PATJ: variants seen among roughly 807,000 people sequenced by gnomAD.
The protein encoded by PATJ is PATJ crumbs cell polarity complex component.
PATJ carries 190 observed loss-of-function variants against 224.9 expected under a neutral mutation model. That is an observed-to-expected ratio of 0.84 (90% CI 0.75 to 0.95). The LOEUF (loss-of-function observed/expected upper bound fraction) is 0.95, where lower values mean the gene tolerates loss of function less well. Ranked by LOEUF, PATJ falls within the 40% of genes least tolerant of loss-of-function variation. The pLI is 0.00. For missense variants in PATJ, 2,121 were observed against 2,270.3 expected (o/e 0.93, Z 1.34); for synonymous variants, 769 against 820.3 (o/e 0.94, Z 1.07).
intron 27 of PATJ, among the ~76,000 whole-genome samples, chr1:61,979,643 C>T (rs1234813287): frequency 1.5e-5 from 2 of 135,590 alleles, no homozygotes; most frequent in African/African-American, 5.7e-5. Context: ...CAGAGGGAGA[C>T]TCCGTCTCAA....
chr1:62,142,220 A>G (rs1465539502), intron 41 of PATJ, among the ~76,000 whole-genome samples: 2 of 152,172 alleles, frequency 1.3e-5, no homozygotes, highest in Non-Finnish European at 2.9e-5. Flanking sequence ...AACTTCCCAC[A>G]AAGCATAGGA....
In PATJ at chr1:62,143,167, C is replaced by T. The variant is rs578149421; in HGVS notation, c.5272-5117C>T. The stretch of plus-strand genomic sequence containing the variant: ...GTGGAGGGATCAGATATTCAGAGAG[C>T]GATCAGCTATATGGCTGGCATCCTA... On this transcript the variant is annotated intron_variant, in intron 41 of 43. Coordinates refer to ENST00000642238, the MANE Select transcript of PATJ (RefSeq NM_001350145.3). Among the ~76,000 whole-genome samples, 7 of 152,100 alleles carry T rather than the reference C, an allele frequency of 4.6e-5. No homozygotes were observed. The East Asian group carries it at 1.4e-3, about 30-fold the overall frequency.
At chr1:62,113,991 C>A in intron 34 of PATJ, 62 bp from the exon 35 acceptor site, 1 of 1,477,460 alleles carries the variant, frequency 6.8e-7, no homozygotes, top group Non-Finnish European at 9.3e-7. Context: ...GGAGATTCAG[C>A]AGACAGAGAA....
intron 41 of PATJ, among the ~76,000 whole-genome samples, chr1:62,136,353 A>G (rs1267865107): frequency 6.6e-6 from 1 of 151,502 alleles, no homozygotes; most frequent in Non-Finnish European, 1.5e-5. Flanking sequence ...TTTTTAACAG[A>G]CACATAAAAA....
At chr1:62,036,181 CATA>C (rs1298090784) in intron 29 of PATJ, among the ~76,000 whole-genome samples, 3 of 152,102 alleles carry the variant, frequency 2.0e-5, no homozygotes, top group African/African-American at 7.2e-5. Context: ...GTGTTAGAAT[CATA>C]ATAACTTTGC....
intron 13 of PATJ, among the ~76,000 whole-genome samples, chr1:61,807,728 T>C (rs1239248564): frequency 6.6e-6 from 1 of 152,212 alleles, no homozygotes; most frequent in East Asian, 1.9e-4. Context: ...TCTTACAGGA[T>C]CTGCTTATCT....
At chr1:61,754,421 T>C (rs547082009) in intron 1 of PATJ, among the ~76,000 whole-genome samples, 3 of 152,160 alleles carry the variant, frequency 2.0e-5, no homozygotes, top group African/African-American at 7.2e-5. Flanking sequence ...CATAGCTAAC[T>C]GCACCCTCAA....
At chr1:62,071,938 A>G (rs1407861624) in intron 31 of PATJ, among the ~76,000 whole-genome samples, 2 of 152,200 alleles carry the variant, frequency 1.3e-5, no homozygotes, top group Admixed American at 1.3e-4. Context: ...GACGTTACCA[A>G]GAGACAGAGT....
intron 34 of PATJ, among the ~76,000 whole-genome samples, chr1:62,111,655 C>T (rs1223717640): frequency 1.4e-5 from 2 of 142,394 alleles, no homozygotes; most frequent in African/African-American, 5.1e-5. Context: ...ATATCCAAAA[C>T]CCATGTTCTT....
intron 27 of PATJ, among the ~76,000 whole-genome samples, chr1:61,939,519 T>G (rs899213292): frequency 1.3e-5 from 2 of 151,954 alleles, no homozygotes; most frequent in Non-Finnish European, 2.9e-5. Context: ...AGGTTTTTTT[T>G]GCCTATCAGA....
intron 43 of PATJ, among the ~76,000 whole-genome samples, chr1:62,159,510 T>A (rs922002170): frequency 1.3e-5 from 2 of 151,624 alleles, no homozygotes; most frequent in Non-Finnish European, 2.9e-5. Flanking sequence ...GTTATTAATA[T>A]TTAGTTTTGA....
At chr1:61,876,968 C>T (rs1667411676) in intron 21 of PATJ, among the ~76,000 whole-genome samples, 1 of 152,082 alleles carries the variant, frequency 6.6e-6, no homozygotes, top group Admixed American at 6.6e-5. Context: ...TTGAGTAATA[C>T]ACTTAGTGTT....
intron 27 of PATJ, among the ~76,000 whole-genome samples, chr1:61,928,828 T>C (rs1422895204): frequency 1.3e-5 from 2 of 151,916 alleles, no homozygotes; most frequent in African/African-American, 4.8e-5. Flanking sequence ...AATAAATAAC[T>C]TTATGATAAT....
intron 27 of PATJ, among the ~76,000 whole-genome samples, chr1:61,962,277 A>G (rs1218135881): frequency 6.6e-6 from 1 of 152,214 alleles, no homozygotes; most frequent in Non-Finnish European, 1.5e-5. Context: ...TGCCTTGTAC[A>G]GATGATACAC....
At chr1:61,788,893 C>T (rs1353789898) in intron 8 of PATJ, among the ~76,000 whole-genome samples, 1 of 152,034 alleles carries the variant, frequency 6.6e-6, no homozygotes, top group Non-Finnish European at 1.5e-5. Flanking sequence ...AGGCTGGTCT[C>T]GAACTCCCAA....
At position 61,910,536 on chromosome 1, in the gene PATJ, C is replaced by CTTTTTTTTTT; in HGVS notation, c.3492+2073_3492+2082dup. ...ACTTTGTTTATAGGGCAAAGTGACT[C>CTTTTTTTTTT]TTTTTTTTTTTTTTTTTTTTTTTTT... On this transcript the variant is annotated intron_variant, in intron 25 of 43. Coordinates refer to ENST00000642238, the MANE Select transcript of PATJ (RefSeq NM_001350145.3). 4.3e-4 allele frequency among the ~76,000 whole-genome samples: 18 copies of CTTTTTTTTTT among 42,268 alleles called. 4 individuals are homozygous for CTTTTTTTTTT. Among genetic ancestry groups the CTTTTTTTTTT allele is most frequent in the East Asian group, 1.0e-3 (1 of 984 alleles). The allele number at this position is 42,268 out of a possible 152,430, so 27.7% of individuals were successfully genotyped here.
chr1:61,777,978 C>T (rs11207829), intron 7 of PATJ, among the ~76,000 whole-genome samples: 102,790 of 151,850 alleles, frequency 0.68, 35,051 homozygotes, highest in East Asian at 0.88. Context: ...CTCTGGGGCT[C>T]AAGTGATCCC....
rs752012529 is a variant in PATJ at position 62,128,896 on chromosome 1, C to T, written c.5222C>T (p.Ala1741Val). The T allele has an allele frequency of 3.1e-6, 5 of 1,613,366 alleles. No individual in the cohort carries two copies. Among genetic ancestry groups the T allele is most frequent in the Middle Eastern group, 1.6e-4 (1 of 6,078 alleles). ...NGQPLDGLSH[A>V]DVVNLLKNAY... is the part of the protein sequence containing the mutation. ...CAACCTTTGGATGGGCTGTCTCACG[C>T]GGATGTGGTTAATCTGCTGAAGAAC... Residue 1741 changes from alanine to valine, a missense_variant, in exon 41 of 44, where the codon GCG (alanine) becomes GTG (valine). By Grantham distance (64) the Ala-to-Val change is moderately conservative (BLOSUM62 0). Coordinates refer to ENST00000642238, the MANE Select transcript of PATJ (RefSeq NM_001350145.3).
intron 17 of PATJ, among the ~76,000 whole-genome samples, chr1:61,834,326 A>C (rs1334581150): frequency 6.6e-6 from 1 of 152,192 alleles, no homozygotes; most frequent in Non-Finnish European, 1.5e-5. Flanking sequence ...AATAAATAGA[A>C]GTGTTCTTGG....
Sources: gnomAD v4.1 joint callset for allele counts (sites outside exome capture counted in the v4.1 genomes callset) on GRCh38, gnomAD v4.1.1 for gene constraint, MANE v1.5 for transcripts, NCBI Gene and HGNC (gene_info 2026-07-23, HGNC 2026-07-21) for gene names.